Variants in FKBP14 observed in about 807,000 individuals in gnomAD.
FKBP14 encodes FKBP prolyl isomerase 14, also known as peptidyl-prolyl cis-trans isomerase FKBP14.
Under a neutral mutation model 21.6 loss-of-function variants are expected in FKBP14, and 20 were observed. That is an observed-to-expected ratio of 0.92 (90% CI 0.65 to 1.34). FKBP14 has a LOEUF of 1.34. FKBP14 is among the 40% of genes most tolerant of loss of function. The probability of loss-of-function intolerance (pLI) is 0.00; values close to 1 mark genes in which losing one functional copy is unlikely to be tolerated. For synonymous variants in FKBP14, 79 were observed against 86.7 expected (o/e 0.91, Z 0.49); for missense variants, 253 against 249.0 (o/e 1.02, Z -0.11).
chr7:30,010,141 T>A (rs918543584), downstream of FKBP14, among the ~76,000 whole-genome samples: 6 of 152,190 alleles, frequency 3.9e-5, no homozygotes, highest in African/African-American at 1.4e-4. Context: ...TCATTGTTTC[T>A]CGTTATTTTC....
In FKBP14 at chr7:30,026,440, A is replaced by G; in HGVS notation, c.69T>C (p.Pro23=). The G allele has an allele frequency of 2.5e-6, 4 of 1,614,202 alleles. No homozygotes were observed. Among genetic ancestry groups the G allele is most frequent in the Non-Finnish European group, 2.5e-6 (3 of 1,180,000 alleles). ...FVTSLIGALI[P]EPEVKIEVLQ... is the part of the protein sequence containing the mutation. ...GAACTTCAATTTTCACTTCTGGTTCAGGGATCAAAGCCCCAATCAAAGAAG... is the reference window on the plus strand; with the variant it reads ...GAACTTCAATTTTCACTTCTGGTTCGGGGATCAAAGCCCCAATCAAAGAAG... Residue 23 remains proline, a synonymous_variant, in exon 1 of 4, where the codon CCT becomes CCC. Transcript: ENST00000222803.
In FKBP14 at chr7:30,019,085, C is replaced by A; in HGVS notation, c.388G>T (p.Asp130Tyr). Residue 130 changes from aspartate (D) to tyrosine (Y), a missense_variant, in exon 3 of 4, where the codon GAT (aspartate) becomes TAT (tyrosine). Asp to Tyr is a radical substitution (Grantham distance 160). Coordinates refer to ENST00000222803, the MANE Select transcript of FKBP14 (RefSeq NM_017946.4). The stretch of plus-strand genomic sequence containing the variant: ...GGTCCATTTCGAATCTCCAGGAGAT[C>A]AATATTAAATATCAGTGTACTTTCT... ...PPESTLIFNI[D>Y]LLEIRNGPRS... 6.3e-7 allele frequency: 1 copy of A among 1,589,128 alleles called. No individual in the cohort carries two copies. Among genetic ancestry groups the A allele is most frequent in the Non-Finnish European group, 8.5e-7 (1 of 1,172,410 alleles).
At chr7:30,016,214 C>A (rs1789880788) in intron 3 of FKBP14, among the ~76,000 whole-genome samples, 1 of 151,698 alleles carries the variant, frequency 6.6e-6, no homozygotes, top group South Asian at 2.1e-4. Flanking sequence ...ATGGACACTT[C>A]TCTTAAAACT....
At chr7:30,015,321 G>A (rs529242804) in intron 3 of FKBP14, among the ~76,000 whole-genome samples, 5 of 152,176 alleles carry the variant, frequency 3.3e-5, no homozygotes, top group South Asian at 2.1e-4. Flanking sequence ...AGGAGGCTGA[G>A]GCAGTTGAAT....
At chr7:30,015,069 T>C (rs936984475) in intron 3 of FKBP14, among the ~76,000 whole-genome samples, 176 bp from the exon 4 acceptor site, 1 of 152,170 alleles carries the variant, frequency 6.6e-6, no homozygotes, top group South Asian at 2.1e-4. Flanking sequence ...TAGAAACTTT[T>C]TCCCTTAAAA....
intron 3 of FKBP14, among the ~76,000 whole-genome samples, chr7:30,017,248 A>G (rs977049528): frequency 4.0e-5 from 6 of 151,896 alleles, no homozygotes; most frequent in African/African-American, 1.5e-4. Flanking sequence ...ATAGAAGAGG[A>G]TGTAGGTAGG....
chr7:30,020,400 A>G lies in FKBP14; in HGVS notation c.350-1277T>C, dbSNP rs571563280. 7 of 492,024 alleles carry G rather than the reference A, an allele frequency of 1.4e-5. 1 individual carries two copies. The highest frequency in any genetic ancestry group is 1.4e-4 in the South Asian group (7 of 51,754). The allele number at this position is 492,024 out of a possible 1,614,324, so 30.5% of individuals were successfully genotyped here. A position where few individuals can be genotyped will look rare whatever the true frequency, so the allele number is the denominator to read the frequency against. On this transcript the variant is annotated intron_variant, in intron 2 of 3. Transcript: ENST00000222803. ...AAATTTAGATCTCTACTTATTGTGA[A>G]GTAAACTTGAGTTAAATATAGTATG... is the stretch of plus-strand genomic sequence containing the variant.
At chr7:30,021,873 TC>T (rs1331524160) in intron 2 of FKBP14, among the ~76,000 whole-genome samples, 1 of 152,038 alleles carries the variant, frequency 6.6e-6, no homozygotes, top group Non-Finnish European at 1.5e-5. Flanking sequence ...TTGATATATA[TC>T]ACAAAGCAGC....
chr7:30,022,920 T>G (rs1049100139), intron 1 of FKBP14, 104 bp from the exon 2 acceptor site: 5 of 1,033,928 alleles, frequency 4.8e-6, no homozygotes, highest in Admixed American at 2.8e-5. Flanking sequence ...GTTTAAAAAT[T>G]TATAAATACA....
chr7:30,023,934 A>G (rs189968103), intron 1 of FKBP14, among the ~76,000 whole-genome samples: 10 of 152,306 alleles, frequency 6.6e-5, no homozygotes, highest in African/African-American at 1.9e-4. Flanking sequence ...GGGTGGGGCC[A>G]TAGCGGAACC....
chr7:30,018,900 T>C lies in FKBP14; in HGVS notation c.477+96A>G. On this transcript the variant is annotated intron_variant, in intron 3 of 3. Transcript: ENST00000222803. ...TAAAAGTAGATTTGAAATATACACA[T>C]ATTCATTTAAAAAGTGAGTTACAAA... 3 of 1,248,422 alleles carry C rather than the reference T, an allele frequency of 2.4e-6. No homozygotes were observed. In the South Asian group the frequency reaches 4.1e-5, roughly 17 times the overall value. 77.3% of individuals were successfully genotyped at this position (1,248,422 alleles called of 1,614,324 possible).
At chr7:30,025,320 G>C (rs893468178) in intron 1 of FKBP14, 2 of 152,134 alleles carry the variant, frequency 1.3e-5, no homozygotes, top group East Asian at 3.8e-4. Context: ...GTTACGCTTT[G>C]CTAGCACTTT....
Position 30,011,072 on chromosome 7 carries a change from C to T in FKBP14, c.*3663G>A, listed in dbSNP as rs1179982661. The T allele has an allele frequency of 6.6e-6, 1 of 151,214 alleles. No individual in the cohort carries two copies. Among genetic ancestry groups the T allele is most frequent in the Non-Finnish European group, 1.5e-5 (1 of 67,872 alleles). 9.4% of individuals were successfully genotyped at this position (151,214 alleles called of 1,614,324 possible). A position where few individuals can be genotyped will look rare whatever the true frequency, so the allele number is the denominator to read the frequency against. ...TTTTTTTTTGAGACAGAGTCTTGCT[C>T]CTCTGTCACCCAGACTAGAGTGCAG... On this transcript the variant is annotated 3_prime_UTR_variant, in exon 4 of 4. Transcript: ENST00000222803.
chr7:30,009,868 G>C (rs539153253), downstream of FKBP14, among the ~76,000 whole-genome samples: 1 of 150,992 alleles, frequency 6.6e-6, no homozygotes, highest in Non-Finnish European at 1.5e-5. Flanking sequence ...GCGTGGTGGC[G>C]CATGCCTGTA....
At chr7:30,017,037 T>G (rs1339209090) in intron 3 of FKBP14, among the ~76,000 whole-genome samples, 4 of 152,164 alleles carry the variant, frequency 2.6e-5, no homozygotes, top group East Asian at 3.8e-4. Flanking sequence ...ATAGTTTGCT[T>G]CTTTTTGTGT....
chr7:30,014,852 C>T lies in FKBP14; in HGVS notation c.519G>A (p.Ala173=), dbSNP rs367883604. 17 of 1,601,464 alleles carry T rather than the reference C, an allele frequency of 1.1e-5. No homozygotes were observed. Among genetic ancestry groups the T allele is most frequent in the Non-Finnish European group, 1.3e-5 (15 of 1,176,938 alleles). ...YLKKEFEKHG[A]VVNESHHDAL... ...CATCATGATGACTTTCATTCACCAC[C>T]GCACCATGTTTTTCAAACTCCTTCT... The change falls in exon 4 of 4, where the codon GCG becomes GCA. Residue 173 remains alanine, a synonymous_variant. Transcript: ENST00000222803.
At position 30,013,699 on chromosome 7, in the gene FKBP14, G is replaced by A. The variant is rs1789805135; in HGVS notation, c.*1036C>T. On this transcript the variant is annotated 3_prime_UTR_variant, in exon 4 of 4. Transcript: ENST00000222803. The stretch of plus-strand genomic sequence containing the variant: ...CCGCTAGCCTTAAGAAGTAAATATT[G>A]AATATAAATATAACTTTCTACCTCA... 6.6e-6 allele frequency: 1 copy of A among 152,086 alleles called. No homozygotes were observed. The highest frequency in any genetic ancestry group is 2.1e-4 in the South Asian group (1 of 4,814). The allele number at this position is 152,086 out of a possible 1,614,324, so 9.4% of individuals were successfully genotyped here.
chr7:30,024,298 T>C (rs1490027261), intron 1 of FKBP14, among the ~76,000 whole-genome samples: 1 of 152,216 alleles, frequency 6.6e-6, no homozygotes, highest in Non-Finnish European at 1.5e-5. Context: ...CTACTACTCA[T>C]CACTGACTAC....
chr7:30,022,399 A>G (rs1037697539), intron 2 of FKBP14: 14 of 257,188 alleles, frequency 5.4e-5, no homozygotes, highest in Non-Finnish European at 8.0e-5. Context: ...TTTTATCACA[A>G]TTAAAACAAC....
Sources: gnomAD v4.1 joint callset for allele counts (sites outside exome capture counted in the v4.1 genomes callset) on GRCh38, gnomAD v4.1.1 for gene constraint, MANE v1.5 for transcripts, NCBI Gene and HGNC (gene_info 2026-07-23, HGNC 2026-07-21) for gene names.